Variants in PTPRN2 observed in about 807,000 individuals in gnomAD.
PTPRN2 encodes receptor-type tyrosine-protein phosphatase N2.
Under a neutral mutation model 118.8 loss-of-function variants are expected in PTPRN2, and 74 were observed. The observed-to-expected ratio is 0.62, with a 90% CI of 0.52 to 0.76. The LOEUF (loss-of-function observed/expected upper bound fraction) is 0.76. Ranked by LOEUF, PTPRN2 falls within the 30% of genes least tolerant of loss-of-function variation. The probability of loss-of-function intolerance (pLI) is 0.00; values close to 1 mark genes in which losing one functional copy is unlikely to be tolerated. For missense variants in PTPRN2, 1,481 were observed against 1,394.4 expected, an observed-to-expected ratio of 1.06 and a Z score of -0.99; for synonymous variants, 641 against 608.0, an observed-to-expected ratio of 1.05 and a Z score of -0.80.
Position 157,697,787 on chromosome 7 carries a change from C to T in PTPRN2, c.1789-14850G>A, listed in dbSNP as rs1413555860. 5.9e-4 allele frequency among the ~76,000 whole-genome samples: 81 copies of T among 137,660 alleles called. 3 individuals carry two copies. The highest frequency in any genetic ancestry group is 2.2e-3 in the African/African-American group (77 of 35,746). The allele number at this position is 137,660 out of a possible 152,430, so 90.3% of individuals were successfully genotyped here. A position where few individuals can be genotyped will look rare whatever the true frequency, so the allele number is the denominator to read the frequency against. ...TACTGGATCTTGGCAGAGCCCTCACCATCTACCCATGCATACTGGGTCTTC... is the reference window on the plus strand; with the variant it reads ...TACTGGATCTTGGCAGAGCCCTCACTATCTACCCATGCATACTGGGTCTTC... On this transcript the variant is annotated intron_variant, in intron 12 of 22. Transcript: ENST00000389418.
At chr7:158,044,199 T>C (rs770634714) in intron 11 of PTPRN2, among the ~76,000 whole-genome samples, 1 of 152,154 alleles carries the variant, frequency 6.6e-6, no homozygotes, top group Admixed American at 6.5e-5. Context: ...AAAGTCTTGG[T>C]TAAATAAAAA....
At chr7:157,993,315 T>C (rs535949142) in intron 11 of PTPRN2, among the ~76,000 whole-genome samples, 2 of 151,494 alleles carry the variant, frequency 1.3e-5, no homozygotes, top group South Asian at 4.2e-4. Flanking sequence ...CTAGGTTGTA[T>C]GACTTTATGA....
chr7:157,832,072 T>G (rs560036112), intron 12 of PTPRN2, among the ~76,000 whole-genome samples: 1 of 152,008 alleles, frequency 6.6e-6, no homozygotes, highest in Admixed American at 6.5e-5. Context: ...TGCACAACCA[T>G]GTGATGAATT....
intron 13 of PTPRN2, among the ~76,000 whole-genome samples, chr7:157,678,082 C>T (rs2150798520): frequency 6.6e-6 from 1 of 152,328 alleles, no homozygotes; most frequent in Middle Eastern, 3.4e-3. Context: ...AAAATGTTCT[C>T]TAATCATAAT....
chr7:158,071,376 G>GAGGTTCTCATGGTGC (rs1811544905), intron 11 of PTPRN2, among the ~76,000 whole-genome samples: 3 of 110,118 alleles, frequency 2.7e-5, no homozygotes, highest in Non-Finnish European at 1.9e-5. Flanking sequence ...CATGGTGGTG[G>GAGGTTCTCATGGTGC]AGGTGCTCGT....
chr7:157,703,918 A>G (rs1387247882), intron 12 of PTPRN2, among the ~76,000 whole-genome samples: 1 of 152,178 alleles, frequency 6.6e-6, no homozygotes, highest in Non-Finnish European at 1.5e-5. Flanking sequence ...TGCAGCAAAC[A>G]TTTTGAATGC....
chr7:158,168,859 A>T (rs542509888), intron 5 of PTPRN2, among the ~76,000 whole-genome samples: 76 of 152,318 alleles, frequency 5.0e-4, no homozygotes, highest in African/African-American at 1.8e-3. Context: ...AAAAGTCCCC[A>T]CATTGTACCT....
intron 11 of PTPRN2, among the ~76,000 whole-genome samples, chr7:158,035,431 G>A (rs1808026306): frequency 6.6e-6 from 1 of 152,348 alleles, no homozygotes; most frequent in South Asian, 2.1e-4. Flanking sequence ...ACAGAGCTGG[G>A]GCAAAGAGCA....
rs750817315 is a variant in PTPRN2, at chr7:158,134,017, G to A, written c.1216C>T (p.His406Tyr). 1 of 1,613,824 alleles carries A rather than the reference G, an allele frequency of 6.2e-7. No homozygotes were observed. Among genetic ancestry groups the A allele is most frequent in the Admixed American group, 1.7e-5 (1 of 60,006 alleles). ...SATLGGLLQDHGSRLLPGALP... is the reference protein window; with the variant it reads ...SATLGGLLQDYGSRLLPGALP... ...GCTCCAGGTAAGAGTCGAGACCCGT[G>A]GTCCTGCAGGAGGCCCCCGAGTGTG... The change falls in exon 9 of 23, where the codon CAC becomes TAC. Residue 406 changes from histidine (H) to tyrosine (Y), a missense_variant. Around this residue, in one of 3 missense-constraint regions of PTPRN2, gnomAD observed 1,115 missense variants for 994.2 expected, o/e 1.12. Coordinates refer to ENST00000389418, the MANE Select transcript of PTPRN2 (RefSeq NM_002847.5).
intron 5 of PTPRN2, among the ~76,000 whole-genome samples, chr7:158,188,761 C>T (rs1480320294): frequency 4.0e-5 from 6 of 151,492 alleles, no homozygotes; most frequent in African/African-American, 9.7e-5. Flanking sequence ...AAGGCCGCCA[C>T]GCTCACCCGC....
intron 2 of PTPRN2, among the ~76,000 whole-genome samples, chr7:158,337,234 C>T (rs1281493432): frequency 6.4e-5 from 8 of 124,040 alleles, no homozygotes; most frequent in African/African-American, 2.1e-4. Flanking sequence ...CTAACACCCA[C>T]ATTCTCACCA....
intron 2 of PTPRN2, among the ~76,000 whole-genome samples, chr7:158,351,069 T>C (rs1807889301): frequency 6.6e-6 from 1 of 152,022 alleles, no homozygotes; most frequent in South Asian, 2.1e-4. Context: ...CATTACGAAA[T>C]GAAAAGCTGC....
rs979486640 is a variant in PTPRN2 at position 158,521,620 on chromosome 7, C to T, written c.113-31835G>A. 5.8e-4 allele frequency among the ~76,000 whole-genome samples: 70 copies of T among 120,406 alleles called. 3 individuals carry two copies. Among genetic ancestry groups the T allele is most frequent in the Non-Finnish European group, 9.1e-4 (54 of 59,486 alleles). The allele number at this position is 120,406 out of a possible 152,430, so 79.0% of individuals were successfully genotyped here. A position where few individuals can be genotyped will look rare whatever the true frequency, so the allele number is the denominator to read the frequency against. On this transcript the variant is annotated intron_variant, in intron 1 of 22. Coordinates refer to ENST00000389418, the MANE Select transcript of PTPRN2 (RefSeq NM_002847.5). ...ATGGTGGACTGTCCAGGTAGTGGCT[C>T]AGGAGGGAGGTCCACGTCACAATGG...
chr7:157,681,103 T>C (rs1166997785), intron 13 of PTPRN2, among the ~76,000 whole-genome samples: 1 of 152,180 alleles, frequency 6.6e-6, no homozygotes, highest in Non-Finnish European at 1.5e-5. Context: ...AACCTGCAGT[T>C]TTTTTTTCAA....
At chr7:158,421,587 G>A (rs567364646) in intron 2 of PTPRN2, among the ~76,000 whole-genome samples, 1 of 152,298 alleles carries the variant, frequency 6.6e-6, no homozygotes, top group Non-Finnish European at 1.5e-5. Context: ...ACAGTGATAA[G>A]TTCTGCTTTT....
At chr7:157,722,201 C>T (rs914338490) in intron 12 of PTPRN2, among the ~76,000 whole-genome samples, 9 of 152,252 alleles carry the variant, frequency 5.9e-5, no homozygotes, top group East Asian at 1.9e-4. Flanking sequence ...ACCCACTTCA[C>T]GGCTGGTGGG....
chr7:158,039,993 G>C (rs917610483), intron 11 of PTPRN2, among the ~76,000 whole-genome samples: 1 of 151,856 alleles, frequency 6.6e-6, no homozygotes, highest in Non-Finnish European at 1.5e-5. Context: ...CTCATTGGTA[G>C]AGCAGACATA....
chr7:157,918,579 G>A (rs1798540805), intron 11 of PTPRN2, among the ~76,000 whole-genome samples: 1 of 152,174 alleles, frequency 6.6e-6, no homozygotes, highest in Non-Finnish European at 1.5e-5. Context: ...ACGCCGTCCA[G>A]AAAGATTACA....
At chr7:157,963,782 A>G (rs535180113) in intron 11 of PTPRN2, among the ~76,000 whole-genome samples, 97 of 152,366 alleles carry the variant, frequency 6.4e-4, no homozygotes, top group Non-Finnish European at 1.1e-3. Flanking sequence ...GGGAGATGCC[A>G]GAACAGGGCT....
Sources: gnomAD v4.1 joint callset for allele counts (sites outside exome capture counted in the v4.1 genomes callset) on GRCh38, gnomAD v4.1.1 for gene constraint, gnomAD v4.1.1 regional missense constraint, MANE v1.5 for transcripts, NCBI Gene and HGNC (gene_info 2026-07-23, HGNC 2026-07-21) for gene names.